The following XPNPEP3 variants were observed in gnomAD, a reference collection of about 807,000 sequenced individuals.
XPNPEP3 encodes xaa-Pro aminopeptidase 3.
XPNPEP3 carries 41 observed loss-of-function variants against 60.0 expected under a neutral mutation model. That is an observed-to-expected ratio of 0.68 (90% CI 0.53 to 0.89). XPNPEP3 has a LOEUF of 0.89. Among genes scored for constraint, XPNPEP3 ranks in the 40% least tolerant of loss-of-function variants. The pLI is 0.00. For synonymous variants in XPNPEP3, 212 were observed against 223.2 expected, an observed-to-expected ratio of 0.95 and a Z score of 0.45; for missense variants, 598 against 638.9, an observed-to-expected ratio of 0.94 and a Z score of 0.69.
chr22:40,866,968 CTA>C lies in XPNPEP3; in HGVS notation c.65-2029_65-2028del, dbSNP rs199973628. On this transcript the variant is annotated intron_variant, in intron 1 of 9. Coordinates refer to ENST00000357137, the MANE Select transcript of XPNPEP3 (RefSeq NM_022098.4). ...CTGCCTAATGAGATTACAGAAGACA[CTA>C]TGTGTGCATGAGTACGTGTGCACGA... is the stretch of plus-strand genomic sequence containing the variant. Among the ~76,000 whole-genome samples, 26 of 152,292 alleles carry C rather than the reference CTA, an allele frequency of 1.7e-4. No individual in the cohort carries two copies. The East Asian group carries it at 4.4e-3, about 26-fold the overall frequency.
chr22:40,926,238 T>G (rs536679650), intron 9 of XPNPEP3, 31 bp from the exon 10 acceptor site: 1 of 1,613,894 alleles, frequency 6.2e-7, no homozygotes. Context: ...CTATCATTCC[T>G]GAACAGCATG....
At chr22:40,889,938 G>A (rs183970571) in intron 4 of XPNPEP3, among the ~76,000 whole-genome samples, 27 of 152,256 alleles carry the variant, frequency 1.8e-4, no homozygotes, top group Admixed American at 1.5e-3. Context: ...GTTTTTGTAC[G>A]AACTGTACAG....
chr22:40,926,361 T>C lies in XPNPEP3; in HGVS notation c.1450T>C (p.Ser484Pro), dbSNP rs1218106109. 4 of 1,614,160 alleles carry C rather than the reference T, an allele frequency of 2.5e-6. No individual in the cohort carries two copies. In the Admixed American group the frequency reaches 6.7e-5, roughly 27 times the overall value. The change falls in exon 10 of 10, where the codon TCA (serine) becomes CCA (proline). Residue 484 changes from serine to proline, a missense_variant. By Grantham distance (74) the Ser-to-Pro change is moderately conservative (BLOSUM62 -1). Coordinates refer to ENST00000357137, the MANE Select transcript of XPNPEP3 (RefSeq NM_022098.4). ...IEDDVVVTQDSPLILSADCPK... is the reference protein window; with the variant it reads ...IEDDVVVTQDPPLILSADCPK... Reference sequence around the variant, plus strand: ...GGATGATGTAGTGGTGACTCAGGACTCACCTCTCATCCTTTCTGCAGACTG... The same window carrying C: ...GGATGATGTAGTGGTGACTCAGGACCCACCTCTCATCCTTTCTGCAGACTG...
chr22:40,914,209 T>C (rs761025889), intron 6 of XPNPEP3, 30 bp from the exon 7 acceptor site: 9 of 1,563,316 alleles, frequency 5.8e-6, no homozygotes, highest in Middle Eastern at 1.7e-4. Flanking sequence ...CATGAGCTTA[T>C]CCACTTTAAC....
intron 2 of XPNPEP3, among the ~76,000 whole-genome samples, chr22:40,873,483 G>C (rs1364023677): frequency 1.3e-5 from 2 of 152,074 alleles, no homozygotes; most frequent in African/African-American, 4.8e-5. Context: ...TGAAATATAA[G>C]ACGATGCTTT....
intron 1 of XPNPEP3, among the ~76,000 whole-genome samples, chr22:40,864,541 G>T (rs955766180): frequency 6.6e-6 from 1 of 152,138 alleles, no homozygotes; most frequent in Non-Finnish European, 1.5e-5. Flanking sequence ...TACCTCCCGG[G>T]TTCAAGCCAT....
At chr22:40,877,942 C>T (rs182739125) in intron 2 of XPNPEP3, among the ~76,000 whole-genome samples, 1 of 152,168 alleles carries the variant, frequency 6.6e-6, no homozygotes, top group Admixed American at 6.5e-5. Context: ...TACAGTGGCT[C>T]ACGCCTGTAA....
Position 40,909,203 on chromosome 22 carries a change from T to G in XPNPEP3, c.937T>G (p.Leu313Val). ...GGCTGGTGGTAATCGGTCAAACACT[T>G]TGCACTATGTGAAAAATAATCAACT... is the stretch of plus-strand genomic sequence containing the variant. Reference protein sequence around the residue: ...VVAGGNRSNTLHYVKNNQLIK... With the variant: ...VVAGGNRSNTVHYVKNNQLIK... The change falls in exon 6 of 10, where the codon TTG becomes GTG. Residue 313 changes from leucine to valine, a missense_variant. Coordinates refer to ENST00000357137, the MANE Select transcript of XPNPEP3 (RefSeq NM_022098.4). 1 of 1,614,140 alleles carries G rather than the reference T, an allele frequency of 6.2e-7. No individual in the cohort carries two copies. Among genetic ancestry groups the G allele is most frequent in the Non-Finnish European group, 8.5e-7 (1 of 1,180,036 alleles).
chr22:40,857,537 T>C (rs963383900), intron 1 of XPNPEP3, among the ~76,000 whole-genome samples: 4 of 152,268 alleles, frequency 2.6e-5, no homozygotes, highest in Admixed American at 6.5e-5. Flanking sequence ...GTGGCAATTA[T>C]CACACTTAAG....
intron 4 of XPNPEP3, among the ~76,000 whole-genome samples, chr22:40,904,893 C>T (rs1055982170): frequency 2.0e-5 from 3 of 151,640 alleles, no homozygotes; most frequent in African/African-American, 7.3e-5. Flanking sequence ...GCCTCCTGAG[C>T]AGCTGGGATT....
chr22:40,874,349 A>G (rs1028944168), intron 2 of XPNPEP3, among the ~76,000 whole-genome samples: 1 of 152,158 alleles, frequency 6.6e-6, no homozygotes, highest in Non-Finnish European at 1.5e-5. Flanking sequence ...GCTTTTTCAA[A>G]ATATACATAC....
At chr22:40,919,229 A>G (rs928946263) in intron 7 of XPNPEP3, among the ~76,000 whole-genome samples, 4 of 152,168 alleles carry the variant, frequency 2.6e-5, no homozygotes, top group African/African-American at 9.7e-5. Flanking sequence ...CTTGAAGATA[A>G]ATAGAAATTA....
intron 2 of XPNPEP3, among the ~76,000 whole-genome samples, chr22:40,871,479 A>G (rs547573574): frequency 3.3e-4 from 50 of 152,370 alleles, no homozygotes; most frequent in African/African-American, 1.2e-3. Flanking sequence ...GGCAGTATGT[A>G]CTTAATACTT....
intron 4 of XPNPEP3, among the ~76,000 whole-genome samples, chr22:40,893,037 C>T (rs905303256): frequency 2.7e-5 from 4 of 149,538 alleles, no homozygotes; most frequent in African/African-American, 4.9e-5. Flanking sequence ...GATTATTATC[C>T]ATTGATTTTC....
chr22:40,861,988 C>T (rs770653019), intron 1 of XPNPEP3: 2 of 1,590,226 alleles, frequency 1.3e-6, no homozygotes, highest in Non-Finnish European at 1.7e-6. Context: ...TCATAGTAAT[C>T]CACCATGTTT....
At chr22:40,868,165 C>T (rs2057987931) in intron 1 of XPNPEP3, among the ~76,000 whole-genome samples, 1 of 152,152 alleles carries the variant, frequency 6.6e-6, no homozygotes, top group Non-Finnish European at 1.5e-5. Flanking sequence ...TTGTTGTACT[C>T]TATGATTAAG....
rs185156635 is a variant in XPNPEP3 at position 40,890,479 on chromosome 22, C to T, written c.792+3964C>T. On this transcript the variant is annotated intron_variant, in intron 4 of 9. Coordinates refer to ENST00000357137, the MANE Select transcript of XPNPEP3 (RefSeq NM_022098.4). ...ACTTGAGCTGGGGCAGTTGAAGCTG[C>T]GATGAGATGTGATCGTGCCACTGCA... is the stretch of plus-strand genomic sequence containing the variant. Among the ~76,000 whole-genome samples the T allele has an allele frequency of 3.9e-4, 59 of 151,978 alleles. 1 individual carries two copies. Among genetic ancestry groups the T allele is most frequent in the Admixed American group, 3.3e-3 (51 of 15,252 alleles).
intron 1 of XPNPEP3, chr22:40,859,522 T>A (rs2057928379): frequency 6.6e-6 from 1 of 152,170 alleles, no homozygotes; most frequent in Admixed American, 6.5e-5. Flanking sequence ...TAAACTCTAC[T>A]AAATATCACA....
intron 7 of XPNPEP3, among the ~76,000 whole-genome samples, chr22:40,916,215 C>T (rs757102449): frequency 6.6e-5 from 10 of 151,666 alleles, no homozygotes; most frequent in East Asian, 1.9e-4. Context: ...TCGCTTGAAC[C>T]GGGAAAGGGG....
Sources: gnomAD v4.1 joint callset for allele counts (sites outside exome capture counted in the v4.1 genomes callset) on GRCh38, gnomAD v4.1.1 for gene constraint, MANE v1.5 for transcripts, NCBI Gene and HGNC (gene_info 2026-07-23, HGNC 2026-07-21) for gene names.